The following SFT2D1 variants were observed in gnomAD, a reference collection of about 807,000 sequenced individuals.
SFT2D1 encodes vesicle transport protein SFT2A.
Under a neutral mutation model 28.1 loss-of-function variants are expected in SFT2D1, and 24 were observed. That is an observed-to-expected ratio of 0.85 (90% CI 0.62 to 1.20). The LOEUF (loss-of-function observed/expected upper bound fraction) is 1.20. Among genes scored for constraint, SFT2D1 ranks in the 50% most tolerant of loss-of-function variants. The pLI is 0.00. For synonymous variants in SFT2D1, 82 were observed against 73.7 expected (o/e 1.11, Z -0.58); for missense variants, 181 against 190.9 (o/e 0.95, Z 0.31).
At chr6:166,332,860 G>A (rs1283892606) in intron 1 of SFT2D1, among the ~76,000 whole-genome samples, 1 of 152,192 alleles carries the variant, frequency 6.6e-6, no homozygotes, top group Admixed American at 6.5e-5. Context: ...AAACATAATA[G>A]AGGAAAATGT....
At position 166,326,495 on chromosome 6, in the gene SFT2D1, A is replaced by G. The variant is rs186149427; in HGVS notation, c.316-328T>C. 3.3e-5 allele frequency among the ~76,000 whole-genome samples: 5 copies of G among 152,302 alleles called. No individual in the cohort carries two copies. The East Asian group carries it at 9.7e-4, about 29-fold the overall frequency. On this transcript the variant is annotated intron_variant, in intron 4 of 7. Coordinates refer to ENST00000361731, the MANE Select transcript of SFT2D1 (RefSeq NM_145169.3). Reference sequence around the variant, plus strand: ...TGTGGTGTTGGAAAGACCTAAAGAGATCCCAGCTCTGACGCCTGCTATCTG... The same window carrying G: ...TGTGGTGTTGGAAAGACCTAAAGAGGTCCCAGCTCTGACGCCTGCTATCTG...
At chr6:166,334,646 A>T in intron 1 of SFT2D1, 1 of 211,756 alleles carries the variant, frequency 4.7e-6, no homozygotes, top group East Asian at 1.2e-4. Context: ...TCGGCACTGG[A>T]GGGCTGAGCT....
chr6:166,320,117 G>T lies in SFT2D1; in HGVS notation c.*100C>A. The T allele has an allele frequency of 9.1e-7, 1 of 1,094,630 alleles. No individual in the cohort carries two copies. Among genetic ancestry groups the T allele is most frequent in the Non-Finnish European group, 1.4e-6 (1 of 731,376 alleles). The allele number at this position is 1,094,630 out of a possible 1,614,324, so 67.8% of individuals were successfully genotyped here. A position where few individuals can be genotyped will look rare whatever the true frequency, so the allele number is the denominator to read the frequency against. On this transcript the variant is annotated 3_prime_UTR_variant, in exon 8 of 8. Coordinates refer to ENST00000361731, the MANE Select transcript of SFT2D1 (RefSeq NM_145169.3). ...ACTTAGTACAAAACGGTCTTCAACT[G>T]TCACGTCAGTTGTTCCTGGAGTGTT...
At chr6:166,322,685 G>C (rs1471556610) in intron 7 of SFT2D1, among the ~76,000 whole-genome samples, 172 bp downstream of exon 7, 1 of 97,658 alleles carries the variant, frequency 1.0e-5, no homozygotes, top group East Asian at 3.3e-4. Flanking sequence ...GTGAGACTCT[G>C]TCTCAAAAAA....
At chr6:166,333,923 CA>C (rs908870410) in intron 1 of SFT2D1, among the ~76,000 whole-genome samples, 246 of 151,852 alleles carry the variant, frequency 1.6e-3, no homozygotes, top group African/African-American at 5.8e-3. Flanking sequence ...AACCACCAAA[CA>C]CACCAACTAA....
At chr6:166,328,483 T>G in intron 3 of SFT2D1, 126 bp from the exon 4 acceptor site, 1 of 517,762 alleles carries the variant, frequency 1.9e-6, no homozygotes, top group East Asian at 3.4e-5. Flanking sequence ...CACTAAAATT[T>G]TTTTTTTCCT....
chr6:166,334,684 G>A lies in SFT2D1; in HGVS notation c.64-4437C>T, dbSNP rs369838633. Reference sequence around the variant, plus strand: ...GAAACAACTGATGAGAACCTGAGAAGCCAATCTGAGCGATGGGGAACGCTC... The same window carrying A: ...GAAACAACTGATGAGAACCTGAGAAACCAATCTGAGCGATGGGGAACGCTC... On this transcript the variant is annotated intron_variant, in intron 1 of 7. Coordinates refer to ENST00000361731, the MANE Select transcript of SFT2D1 (RefSeq NM_145169.3). 17 of 242,292 alleles carry A rather than the reference G, an allele frequency of 7.0e-5. No individual in the cohort carries two copies. In the East Asian group the frequency reaches 1.1e-3, roughly 16 times the overall value. 15.0% of individuals were successfully genotyped at this position (242,292 alleles called of 1,614,324 possible).
At chr6:166,334,667 T>C (rs2114908401) in intron 1 of SFT2D1, 1 of 226,238 alleles carries the variant, frequency 4.4e-6, no homozygotes, top group South Asian at 6.7e-5. Flanking sequence ...TTGAAACAAC[T>C]GATGAGAACC....
chr6:166,330,753 G>A (rs1263231048), intron 1 of SFT2D1, among the ~76,000 whole-genome samples: 3 of 152,236 alleles, frequency 2.0e-5, no homozygotes, highest in Admixed American at 6.5e-5. Flanking sequence ...TCCTGCTGGA[G>A]GCAGAGGCTG....
chr6:166,335,763 G>A (rs1166675500), intron 1 of SFT2D1, among the ~76,000 whole-genome samples: 1 of 152,218 alleles, frequency 6.6e-6, no homozygotes, highest in East Asian at 1.9e-4. Flanking sequence ...ATCACTGCCA[G>A]GAAACAAAGT....
At position 166,324,739 on chromosome 6, in the gene SFT2D1, C is replaced by A. The variant is rs1004264439; in HGVS notation, c.352-144G>T. On this transcript the variant is annotated intron_variant, in intron 5 of 7. Coordinates refer to ENST00000361731, the MANE Select transcript of SFT2D1 (RefSeq NM_145169.3). ...ATTTTAGTGTGATAAATTTAAGATACAGTTGATCTGAAACTTTAAAACCCA... is the reference window on the plus strand; with the variant it reads ...ATTTTAGTGTGATAAATTTAAGATAAAGTTGATCTGAAACTTTAAAACCCA... The A allele has an allele frequency of 1.1e-5, 8 of 761,328 alleles. No individual in the cohort carries two copies. The African/African-American group carries it at 1.2e-4, about 12-fold the overall frequency. 47.2% of individuals were successfully genotyped at this position (761,328 alleles called of 1,614,324 possible). A position where few individuals can be genotyped will look rare whatever the true frequency, so the allele number is the denominator to read the frequency against.
intron 1 of SFT2D1, 56 bp downstream of exon 1, chr6:166,342,363 G>A (rs866482993): frequency 6.6e-7 from 1 of 1,508,150 alleles, no homozygotes. Context: ...CCGGTCCTCA[G>A]TGCGGCCGGG....
chr6:166,339,793 C>T (rs1003455151), intron 1 of SFT2D1, among the ~76,000 whole-genome samples: 2 of 152,178 alleles, frequency 1.3e-5, no homozygotes, highest in Admixed American at 1.3e-4. Flanking sequence ...CCGGCTTCTG[C>T]TCATCCTCTA....
At chr6:166,337,226 G>A (rs559733796) in intron 1 of SFT2D1, among the ~76,000 whole-genome samples, 1 of 152,292 alleles carries the variant, frequency 6.6e-6, no homozygotes, top group African/African-American at 2.4e-5. Flanking sequence ...CCTTATCTGA[G>A]GCTGTAGGAG....
intron 7 of SFT2D1, 38 bp from the exon 8 acceptor site, chr6:166,320,294 T>G: frequency 6.3e-7 from 1 of 1,576,068 alleles, no homozygotes. Context: ...GAATATAATA[T>G]TCCTCAAAAG....
chr6:166,326,961 T>A (rs1195275327), intron 4 of SFT2D1, among the ~76,000 whole-genome samples: 1 of 152,204 alleles, frequency 6.6e-6, no homozygotes, highest in Non-Finnish European at 1.5e-5. Flanking sequence ...TAAATGTTTA[T>A]ATATATGTTG....
chr6:166,319,916 T>A lies in SFT2D1; in HGVS notation c.*301A>T. On this transcript the variant is annotated 3_prime_UTR_variant, in exon 8 of 8. Transcript: ENST00000361731. ...GCAGCACAGGTCTACCTTTAAATAT[T>A]CACATTTCAAAGCTGCTTTGAAAAG... The A allele has an allele frequency of 3.9e-6, 1 of 258,688 alleles. No homozygotes were observed. The highest frequency in any genetic ancestry group is 7.2e-6 in the Non-Finnish European group (1 of 138,402). 16.0% of individuals were successfully genotyped at this position (258,688 alleles called of 1,614,324 possible). A position where few individuals can be genotyped will look rare whatever the true frequency, so the allele number is the denominator to read the frequency against.
At chr6:166,331,182 G>A (rs1236659582) in intron 1 of SFT2D1, among the ~76,000 whole-genome samples, 3 of 152,026 alleles carry the variant, frequency 2.0e-5, no homozygotes, top group Non-Finnish European at 4.4e-5. Context: ...TCCAAATAAG[G>A]CTAAAAAAGT....
chr6:166,324,138 T>G (rs1424965316), intron 6 of SFT2D1: 1 of 163,248 alleles, frequency 6.1e-6, no homozygotes, highest in African/African-American at 2.4e-5. Context: ...AGAGTCAACA[T>G]CAGGATAAAT....
Sources: allele counts gnomAD v4.1 joint callset (sites outside exome capture counted in the v4.1 genomes callset), GRCh38; gene constraint gnomAD v4.1.1; transcripts MANE v1.5; gene names NCBI Gene and HGNC (gene_info 2026-07-23, HGNC 2026-07-21).